Variants in RIPOR1 observed in about 807,000 individuals in gnomAD.
The protein encoded by RIPOR1 is RHO family interacting cell polarization regulator 1.
Under a neutral mutation model 116.5 loss-of-function variants are expected in RIPOR1, and 58 were observed. That is an observed-to-expected ratio of 0.50 (90% CI 0.40 to 0.62). The LOEUF (loss-of-function observed/expected upper bound fraction) is 0.62, where lower values mean the gene tolerates loss of function less well. Among genes scored for constraint, RIPOR1 ranks in the 20% least tolerant of loss-of-function variants. The pLI is 0.00. For missense variants in RIPOR1, 1,372 were observed against 1,586.2 expected, an observed-to-expected ratio of 0.86 and a Z score of 2.29; for synonymous variants, 605 against 650.0, an observed-to-expected ratio of 0.93 and a Z score of 1.05.
chr16:67,544,470 C>T lies in RIPOR1; in HGVS notation c.2733+39C>T. On this transcript the variant is annotated intron_variant, in intron 15 of 21. Coordinates refer to ENST00000042381, the MANE Select transcript of RIPOR1 (RefSeq NM_024519.4). The surrounding 1 kb of genome is among the most constrained non-coding windows in gnomAD (Gnocchi z 5.1). ...TGTTCCCCCACCCTTCCTTTGTAAC[C>T]CCTAACCCCAGGGAGTCCTGCCCTT... The T allele has an allele frequency of 1.3e-6, 2 of 1,582,056 alleles. No individual in the cohort carries two copies. Among genetic ancestry groups the T allele is most frequent in the Middle Eastern group, 3.4e-4 (2 of 5,954 alleles).
At position 67,543,458 on chromosome 16, in the gene RIPOR1, T is replaced by C. The variant is rs2051062611; in HGVS notation, c.2589T>C (p.Val863=). ...AAGACGAAGATGAAGACAATGATGT[T>C]CCTGGGGACAGGTGAGGGGGCTAGG... The part of the protein sequence containing the change: ...LNEDEDEDND[V]PGDRPPSSPE... The change falls in exon 14 of 22, where the codon GTT becomes GTC. Residue 863 remains valine (V), a synonymous_variant. Transcript: ENST00000042381. This position sits in a 1 kb window ranked among gnomAD's most constrained non-coding sequence, Gnocchi z 4.7. 1.9e-6 allele frequency: 3 copies of C among 1,552,722 alleles called. No individual in the cohort carries two copies. In the East Asian group the frequency reaches 7.3e-5, roughly 38 times the overall value.
Position 67,543,681 on chromosome 16 carries a change from T to C in RIPOR1, c.2600+212T>C. The C allele has an allele frequency of 1.5e-6, 1 of 651,788 alleles. No individual in the cohort carries two copies. Among genetic ancestry groups the C allele is most frequent in the Admixed American group, 2.6e-5 (1 of 38,048 alleles). 40.4% of individuals were successfully genotyped at this position (651,788 alleles called of 1,614,324 possible). On this transcript the variant is annotated intron_variant, in intron 14 of 21. Transcript: ENST00000042381. The surrounding 1 kb of genome is among the most constrained non-coding windows in gnomAD (Gnocchi z 4.7). ...TCATGCCCATGTCTCCAACCCTACG[T>C]GTGTCCCCAGTGCTTCTGACCGCCC...
Position 67,540,023 on chromosome 16 carries a change from C to T in RIPOR1, c.415-30C>T. The T allele has an allele frequency of 6.2e-7, 1 of 1,613,918 alleles. No homozygotes were observed. The highest frequency in any genetic ancestry group is 8.5e-7 in the Non-Finnish European group (1 of 1,179,888). ...GTAACCCCAGAGGTGAGTCTCAGTC[C>T]CCCTACTGTCACCCCACTCACCTTC... On this transcript the variant is annotated intron_variant, in intron 6 of 21. Coordinates refer to ENST00000042381, the MANE Select transcript of RIPOR1 (RefSeq NM_024519.4). This position sits in a 1 kb window ranked among gnomAD's most constrained non-coding sequence, Gnocchi z 4.7.
At chr16:67,525,451 T>C (rs531627232), upstream of RIPOR1, among the ~76,000 whole-genome samples, 4 of 152,182 alleles carry the variant, frequency 2.6e-5, no homozygotes, top group African/African-American at 7.2e-5. Context: ...CTATTCTATC[T>C]GTTCACAGAA....
intron 1 of RIPOR1, among the ~76,000 whole-genome samples, chr16:67,522,323 C>T (rs1220390622): frequency 6.6e-6 from 1 of 151,630 alleles, no homozygotes; most frequent in Non-Finnish European, 1.5e-5. Flanking sequence ...CTGCCTCAGC[C>T]TCCCGAGTAG....
In RIPOR1 at chr16:67,543,880, T is replaced by C; in HGVS notation, c.2600+411T>C. ...CCCCACTCCTTCTCAACCCCGACTCTCCCAGAGGCCCTGGCCCCTCAACTG... is the reference window on the plus strand; with the variant it reads ...CCCCACTCCTTCTCAACCCCGACTCCCCCAGAGGCCCTGGCCCCTCAACTG... On this transcript the variant is annotated intron_variant, in intron 14 of 21. Coordinates refer to ENST00000042381, the MANE Select transcript of RIPOR1 (RefSeq NM_024519.4). This position sits in a 1 kb window ranked among gnomAD's most constrained non-coding sequence, Gnocchi z 4.7. 2.9e-6 allele frequency: 1 copy of C among 350,794 alleles called. No homozygotes were observed. Among genetic ancestry groups the C allele is most frequent in the East Asian group, 6.1e-5 (1 of 16,340 alleles). The allele number at this position is 350,794 out of a possible 1,614,324, so 21.7% of individuals were successfully genotyped here. A position where few individuals can be genotyped will look rare whatever the true frequency, so the allele number is the denominator to read the frequency against.
chr16:67,537,523 A>T lies in RIPOR1; in HGVS notation c.-23-901A>T. ...CCCAGCCGGGCGGCTCGAAGTGGCC[A>T]GGGCCGGAAGGTCCGCGGGGGGCGA... On this transcript the variant is annotated intron_variant, in intron 1 of 21. Coordinates refer to ENST00000042381, the MANE Select transcript of RIPOR1 (RefSeq NM_024519.4). The surrounding 1 kb of genome is among the most constrained non-coding windows in gnomAD (Gnocchi z 4.6). 1 of 1,316,206 alleles carries T rather than the reference A, an allele frequency of 7.6e-7. No homozygotes were observed. Among genetic ancestry groups the T allele is most frequent in the Non-Finnish European group, 9.7e-7 (1 of 1,031,116 alleles). 81.5% of individuals were successfully genotyped at this position (1,316,206 alleles called of 1,614,324 possible).
rs949254274 is a variant in RIPOR1, at chr16:67,538,672, G to C, written c.105G>C (p.Arg35Ser). ...TTTCTGAGGACAGCCTCTCCTTCAG[G>C]AGTTTCCCGGTCTTCAGCCCGCCGG... ...GVLGSHERGPRSFPVFSPPGP... is the reference protein window; with the variant it reads ...GVLGSHERGPSSFPVFSPPGP... The change falls in exon 3 of 22, where the codon AGG becomes AGC. Residue 35 changes from arginine (R) to serine (S), a missense_variant and splice_region_variant. By Grantham distance (110) the Arg-to-Ser change is moderately radical. Coordinates refer to ENST00000042381, the MANE Select transcript of RIPOR1 (RefSeq NM_024519.4). 4.3e-6 allele frequency: 7 copies of C among 1,612,606 alleles called. No individual in the cohort carries two copies. Among genetic ancestry groups the C allele is most frequent in the Non-Finnish European group, 5.9e-6 (7 of 1,179,678 alleles).
upstream of RIPOR1, among the ~76,000 whole-genome samples, chr16:67,527,108 T>C (rs987658958): frequency 3.3e-5 from 5 of 152,180 alleles, no homozygotes; most frequent in Non-Finnish European, 7.4e-5. Flanking sequence ...CTGGAAGTCA[T>C]GCCCAGGTTT....
At chr16:67,546,320 G>A in intron 21 of RIPOR1, 46 bp from the exon 22 acceptor site, 1 of 1,607,342 alleles carries the variant, frequency 6.2e-7, no homozygotes, top group East Asian at 2.2e-5. Flanking sequence ...GTGGGAGAGT[G>A]GGATGGGGCT....
chr16:67,544,488 C>T lies in RIPOR1; in HGVS notation c.2733+57C>T. 1 of 1,568,922 alleles carries T rather than the reference C, an allele frequency of 6.4e-7. No individual in the cohort carries two copies. The highest frequency in any genetic ancestry group is 8.6e-7 in the Non-Finnish European group (1 of 1,157,480). The stretch of plus-strand genomic sequence containing the variant: ...TTGTAACCCCTAACCCCAGGGAGTC[C>T]TGCCCTTCCATCCTGGTCCTCTATA... On this transcript the variant is annotated intron_variant, in intron 15 of 21. Coordinates refer to ENST00000042381, the MANE Select transcript of RIPOR1 (RefSeq NM_024519.4). The surrounding 1 kb of genome is among the most constrained non-coding windows in gnomAD (Gnocchi z 5.1).
chr16:67,529,811 C>T lies in RIPOR1; in HGVS notation c.-24+897C>T. ...GCCGCATTCGGCCAACGCACAGCAT[C>T]TGAGGAGGGTTATGACCATCTGGCA... is the stretch of plus-strand genomic sequence containing the variant. On this transcript the variant is annotated intron_variant, in intron 1 of 21. Coordinates refer to ENST00000042381, the MANE Select transcript of RIPOR1 (RefSeq NM_024519.4). The surrounding 1 kb of genome is among the most constrained non-coding windows in gnomAD (Gnocchi z 4.1). 6.5e-7 allele frequency: 1 copy of T among 1,536,016 alleles called. No individual in the cohort carries two copies.
intron 4 of RIPOR1, 52 bp downstream of exon 4, chr16:67,539,120 G>A: frequency 2.0e-6 from 3 of 1,483,944 alleles, no homozygotes; most frequent in Non-Finnish European, 2.8e-6. Flanking sequence ...TGGAGGGCTG[G>A]GCAAGGGCAG....
In RIPOR1 at chr16:67,541,594, A is replaced by C. The variant is rs1359034439; in HGVS notation, c.950+16A>C. The stretch of plus-strand genomic sequence containing the variant: ...TCACATGGAGGTTGGTGGGGCTGAG[A>C]GGCTTGGAGGAGGGCCAGGAGGGCT... On this transcript the variant is annotated intron_variant, in intron 11 of 21. Coordinates refer to ENST00000042381, the MANE Select transcript of RIPOR1 (RefSeq NM_024519.4). The surrounding 1 kb of genome is among the most constrained non-coding windows in gnomAD (Gnocchi z 4.6). The C allele has an allele frequency of 6.2e-7, 1 of 1,614,000 alleles. No individual in the cohort carries two copies. Among genetic ancestry groups the C allele is most frequent in the East Asian group, 2.2e-5 (1 of 44,874 alleles).
In RIPOR1 at chr16:67,540,067, T is replaced by C; in HGVS notation, c.429T>C (p.Tyr143=). 1 of 1,614,174 alleles carries C rather than the reference T, an allele frequency of 6.2e-7. No homozygotes were observed. The highest frequency in any genetic ancestry group is 8.5e-7 in the Non-Finnish European group (1 of 1,180,012). Residue 143 remains tyrosine, a synonymous_variant, in exon 7 of 22, where the codon TAT becomes TAC. Coordinates refer to ENST00000042381, the MANE Select transcript of RIPOR1 (RefSeq NM_024519.4). The surrounding 1 kb of genome is among the most constrained non-coding windows in gnomAD (Gnocchi z 4.7). ...EFHASKIDEL[Y]EAYCVQRRLR... Reference sequence around the variant, plus strand: ...CACCTTCCCAGATCGATGAGCTGTATGAGGCATACTGTGTCCAGCGGCGTC... The same window carrying C: ...CACCTTCCCAGATCGATGAGCTGTACGAGGCATACTGTGTCCAGCGGCGTC...
At position 67,546,662 on chromosome 16, in the gene RIPOR1, CACA is replaced by C. The variant is rs1224254300; in HGVS notation, c.*200_*202del. ...CAAGTGCCTCCCAGCCTCGGCTCAG[CACA>C]TCCCTTGCCACAAATCAGTGTCTGG... On this transcript the variant is annotated 3_prime_UTR_variant, in exon 22 of 22. Coordinates refer to ENST00000042381, the MANE Select transcript of RIPOR1 (RefSeq NM_024519.4). 1.7e-6 allele frequency: 1 copy of C among 589,328 alleles called. No individual in the cohort carries two copies. The highest frequency in any genetic ancestry group is 1.9e-5 in the African/African-American group (1 of 53,674). The allele number at this position is 589,328 out of a possible 1,614,324, so 36.5% of individuals were successfully genotyped here.
In RIPOR1 at chr16:67,540,008, A is replaced by G. The variant is rs2050927163; in HGVS notation, c.415-45A>G. The stretch of plus-strand genomic sequence containing the variant: ...CAACCTTAGAGGTGAGTAACCCCAG[A>G]GGTGAGTCTCAGTCCCCCTACTGTC... On this transcript the variant is annotated intron_variant, in intron 6 of 21. Coordinates refer to ENST00000042381, the MANE Select transcript of RIPOR1 (RefSeq NM_024519.4). The surrounding 1 kb of genome is among the most constrained non-coding windows in gnomAD (Gnocchi z 4.7). 6.2e-7 allele frequency: 1 copy of G among 1,613,756 alleles called. No homozygotes were observed. Among genetic ancestry groups the G allele is most frequent in the Admixed American group, 1.7e-5 (1 of 59,996 alleles).
chr16:67,546,594 A>G lies in RIPOR1; in HGVS notation c.*131A>G. 1 of 711,176 alleles carries G rather than the reference A, an allele frequency of 1.4e-6. No individual in the cohort carries two copies. The allele number at this position is 711,176 out of a possible 1,614,324, so 44.1% of individuals were successfully genotyped here. On this transcript the variant is annotated 3_prime_UTR_variant, in exon 22 of 22. Transcript: ENST00000042381. ...ATTCCTAGCAATGAAAATCTAATATATTCTTCTGTTGCCCCTGGGGTTGGA... is the reference window on the plus strand; with the variant it reads ...ATTCCTAGCAATGAAAATCTAATATGTTCTTCTGTTGCCCCTGGGGTTGGA...
Position 67,531,630 on chromosome 16 carries a change from G to T in RIPOR1, c.-24+2716G>T. 4.4e-6 allele frequency: 2 copies of T among 455,152 alleles called. No individual in the cohort carries two copies. The highest frequency in any genetic ancestry group is 3.1e-5 in the South Asian group (2 of 64,408). The allele number at this position is 455,152 out of a possible 1,614,324, so 28.2% of individuals were successfully genotyped here. On this transcript the variant is annotated intron_variant, in intron 1 of 21. Transcript: ENST00000042381. The surrounding 1 kb of genome is among the most constrained non-coding windows in gnomAD (Gnocchi z 4.2). ...CGGTCAGATTCTGAAGAACCTTGCA[G>T]GTATTGAGAGAGGGTCTCAGTTGCT...
Sources: allele counts gnomAD v4.1 joint callset (sites outside exome capture counted in the v4.1 genomes callset), GRCh38; gene constraint gnomAD v4.1.1; non-coding constraint Gnocchi (gnomAD v3.1); transcripts MANE v1.5; gene names NCBI Gene and HGNC (gene_info 2026-07-23, HGNC 2026-07-21).